The following AMZ1 variants were observed in gnomAD, a reference collection of about 807,000 sequenced individuals.
AMZ1 encodes archaelysin family metallopeptidase 1, also known as archaemetzincin-1.
A neutral mutation model predicts 29.9 loss-of-function variants in AMZ1; 39 were observed. That is an observed-to-expected ratio of 1.30 (90% CI 1.01 to 1.70). AMZ1 has a LOEUF of 1.70. AMZ1 is among the 40% of genes most tolerant of loss of function. The pLI is 0.00. For synonymous variants in AMZ1, 458 were observed against 304.0 expected (o/e 1.51, Z -5.27); for missense variants, 1,041 against 680.6 (o/e 1.53, Z -5.89).
chr7:2,695,024 C>A (rs1194275520), intron 1 of AMZ1, among the ~76,000 whole-genome samples: 4 of 152,156 alleles, frequency 2.6e-5, no homozygotes, highest in African/African-American at 4.8e-5. Context: ...TTCACCTGCC[C>A]TGGGACCCGC....
At position 2,742,970 on chromosome 7, in the gene AMZ1, G is replaced by A. The variant is rs183702477; in HGVS notation, n.551-21742G>A. On this transcript the variant is annotated intron_variant and non_coding_transcript_variant, in intron 4 of 4. Transcript: ENST00000489665. ...TTCCAGGTGCACACTCACATCACCT[G>A]TGAGCCACAGGCATGGTGGTGTGTG... 4.6e-5 allele frequency among the ~76,000 whole-genome samples: 7 copies of A among 152,340 alleles called. No individual in the cohort carries two copies. The East Asian group carries it at 1.3e-3, about 29-fold the overall frequency.
chr7:2,763,191 A>AACAC (rs56384682), upstream of AMZ1: 24,995 of 221,926 alleles, frequency 0.11, 1,938 homozygotes, highest in East Asian at 0.22. Context: ...AAGACACCCC[A>AACAC]ACACACACAC....
Position 2,700,336 on chromosome 7 carries a change from G to T in AMZ1, c.-116G>T. On this transcript the variant is annotated 5_prime_UTR_variant, in exon 2 of 7. Coordinates refer to ENST00000683327, the MANE Select transcript of AMZ1 (RefSeq NM_001384743.1). The stretch of plus-strand genomic sequence containing the variant: ...CAGTGTCTGTCTGCAGGGAGCCCCC[G>T]GTAGCCACTCGGATCAGCCCGAGGG... 4.0e-6 allele frequency: 5 copies of T among 1,249,624 alleles called. No homozygotes were observed. The highest frequency in any genetic ancestry group is 5.5e-6 in the Non-Finnish European group (5 of 917,218). The allele number at this position is 1,249,624 out of a possible 1,614,324, so 77.4% of individuals were successfully genotyped here.
chr7:2,762,769 C>T (rs1467475262), upstream of AMZ1: 2 of 1,547,816 alleles, frequency 1.3e-6, no homozygotes, highest in Non-Finnish European at 1.7e-6. Context: ...CCGTCCTTTC[C>T]ACCCAGGCTG....
chr7:2,692,849 A>G (rs1261689160), intron 1 of AMZ1, among the ~76,000 whole-genome samples: 6 of 151,678 alleles, frequency 4.0e-5, no homozygotes, highest in East Asian at 1.9e-4. Flanking sequence ...TCTTCCCCCA[A>G]TCTCGTCCCC....
At chr7:2,745,046 G>T (rs1790698938) in intron 4 of AMZ1, among the ~76,000 whole-genome samples, 1 of 152,236 alleles carries the variant, frequency 6.6e-6, no homozygotes, top group Non-Finnish European at 1.5e-5. Context: ...CATCTGATTG[G>T]TGTACCTGAA....
Position 2,731,861 on chromosome 7 carries a change from AG to A in AMZ1, n.550+22047del. Reference sequence around the variant, plus strand: ...AAGGAAAGAGACTGACTTTTGCAACAGGTTGAACCAGAAACCAAAAGCAAAT... The same window carrying A: ...AAGGAAAGAGACTGACTTTTGCAACAGTTGAACCAGAAACCAAAAGCAAAT... On this transcript the variant is annotated intron_variant and non_coding_transcript_variant, in intron 4 of 4. Transcript: ENST00000489665. This position sits in a 1 kb window ranked among gnomAD's most constrained non-coding sequence, Gnocchi z 6.0. 1 of 587,760 alleles carries A rather than the reference AG, an allele frequency of 1.7e-6. No individual in the cohort carries two copies. The highest frequency in any genetic ancestry group is 2.8e-6 in the Non-Finnish European group (1 of 352,966). The allele number at this position is 587,760 out of a possible 1,614,324, so 36.4% of individuals were successfully genotyped here.
intron 1 of AMZ1, among the ~76,000 whole-genome samples, chr7:2,693,193 C>G (rs1443320171): frequency 6.6e-6 from 1 of 152,160 alleles, no homozygotes; most frequent in African/African-American, 2.4e-5. Context: ...CCTCCGCCTC[C>G]CGAGTTTAAG....
chr7:2,709,165 C>A lies in AMZ1; in HGVS notation c.692C>A (p.Ala231Glu). The A allele has an allele frequency of 6.4e-7, 1 of 1,561,700 alleles. No individual in the cohort carries two copies. Among genetic ancestry groups the A allele is most frequent in the South Asian group, 1.2e-5 (1 of 83,594 alleles). ...GATCTGGCCCTGGTAGAGGCAGCAGCAGACGGCCCCGAGGCCCCCCTGCAG... is the reference window on the plus strand; with the variant it reads ...GATCTGGCCCTGGTAGAGGCAGCAGAAGACGGCCCCGAGGCCCCCCTGCAG... ...APDLALVEAA[A>E]DGPEAPLQDR... Residue 231 changes from alanine (A) to glutamate (E), a missense_variant, in exon 5 of 7, where the codon GCA becomes GAA. Physicochemically the swap from Ala to Glu is moderately radical, Grantham distance 107 (BLOSUM62 -1). Coordinates refer to ENST00000683327, the MANE Select transcript of AMZ1 (RefSeq NM_001384743.1).
chr7:2,764,170 T>G (rs532769319), upstream of AMZ1, among the ~76,000 whole-genome samples: 70 of 151,858 alleles, frequency 4.6e-4, 1 homozygote, highest in African/African-American at 1.3e-3. Context: ...TGAAGTGGGC[T>G]CAAGTGATCC....
At position 2,698,947 on chromosome 7, in the gene AMZ1, G is replaced by A. The variant is rs535753912; in HGVS notation, c.-218-1287G>A. 4.5e-4 allele frequency among the ~76,000 whole-genome samples: 68 copies of A among 152,276 alleles called. No homozygotes were observed. The East Asian group carries it at 4.6e-3, about 10-fold the overall frequency. ...TGGCAGGTCTTGCAACTTGACGGTCGCAGACAAGTGGGTTTTGCGTGTCTA... is the reference window on the plus strand; with the variant it reads ...TGGCAGGTCTTGCAACTTGACGGTCACAGACAAGTGGGTTTTGCGTGTCTA... On this transcript the variant is annotated intron_variant, in intron 1 of 6. Transcript: ENST00000683327.
intron 4 of AMZ1, among the ~76,000 whole-genome samples, chr7:2,752,937 C>T (rs1439331855): frequency 6.6e-6 from 1 of 152,156 alleles, no homozygotes; most frequent in Non-Finnish European, 1.5e-5. Context: ...TGTGTAACCA[C>T]CACTGCAATC....
chr7:2,760,582 G>A (rs1411996786), upstream of AMZ1: 1 of 152,416 alleles, frequency 6.6e-6, no homozygotes, highest in Non-Finnish European at 1.5e-5. Context: ...GGGCGTCCCT[G>A]ACGAGCACTG....
At chr7:2,697,095 A>G (rs1160012403) in intron 1 of AMZ1, among the ~76,000 whole-genome samples, 1 of 152,126 alleles carries the variant, frequency 6.6e-6, no homozygotes, top group African/African-American at 2.4e-5. Context: ...GGTTGAAAGT[A>G]GCATTTTAAT....
Position 2,712,856 on chromosome 7 carries a change from C to G in AMZ1, c.1475C>G (p.Pro492Arg). The G allele has an allele frequency of 6.6e-7, 1 of 1,523,468 alleles. No homozygotes were observed. The allele number at this position is 1,523,468 out of a possible 1,614,324, so 94.4% of individuals were successfully genotyped here. ...GCCAGAGCAGAGTCGGCCCCCCGTC[C>G]CTGGGATGGGGAAGAGAGTTAGTAC... The part of the protein sequence containing the change: ...KLARAESAPR[P>R]WDGEES The change falls in exon 7 of 7, where the codon CCC becomes CGC. Residue 492 changes from proline to arginine, a missense_variant. Transcript: ENST00000683327.
At chr7:2,742,743 G>A (rs1406860164) in intron 4 of AMZ1, among the ~76,000 whole-genome samples, 2 of 152,202 alleles carry the variant, frequency 1.3e-5, no homozygotes, top group Non-Finnish European at 2.9e-5. Flanking sequence ...CACAGGTGAT[G>A]CACATCTTCC....
upstream of AMZ1, among the ~76,000 whole-genome samples, chr7:2,687,391 G>A (rs1240341319): frequency 6.6e-5 from 10 of 152,210 alleles, no homozygotes; most frequent in Non-Finnish European, 1.2e-4. Flanking sequence ...GCCATCTGTG[G>A]GGCGCTGCTG....
chr7:2,690,612 G>GA (rs1787329727), intron 1 of AMZ1, among the ~76,000 whole-genome samples: 1 of 152,114 alleles, frequency 6.6e-6, no homozygotes, highest in Non-Finnish European at 1.5e-5. Context: ...TTCCGATGTA[G>GA]ATGCTCTTGA....
At chr7:2,725,852 C>T (rs1789595506) in intron 4 of AMZ1, among the ~76,000 whole-genome samples, 1 of 152,160 alleles carries the variant, frequency 6.6e-6, no homozygotes. Context: ...AGTGAACCAT[C>T]CCCTTCCAGG....
Sources: allele counts gnomAD v4.1 joint callset (sites outside exome capture counted in the v4.1 genomes callset), GRCh38; gene constraint gnomAD v4.1.1; non-coding constraint Gnocchi (gnomAD v3.1); transcripts MANE v1.5; gene names NCBI Gene and HGNC (gene_info 2026-07-23, HGNC 2026-07-21).